RPS6KA3: variants seen among roughly 807,000 people sequenced by gnomAD.
RPS6KA3 encodes ribosomal protein S6 kinase A3.
A neutral mutation model predicts 67.2 loss-of-function variants in RPS6KA3; 4 were observed. The ratio of observed to expected loss-of-function variants is 0.06; its 90% CI spans 0.03 to 0.14. RPS6KA3 has a LOEUF of 0.14. Among genes scored for constraint, RPS6KA3 ranks in the 10% least tolerant of loss-of-function variants. The pLI is 1.00. For synonymous variants in RPS6KA3, 182 were observed against 183.7 expected (o/e 0.99, Z 0.07); for missense variants, 204 against 559.0 (o/e 0.36, Z 6.40).
intron 2 of RPS6KA3, chrX:20,218,802 G>T: frequency 8.6e-7 from 1 of 1,167,940 alleles, no homozygotes; most frequent in Non-Finnish European, 1.2e-6. Flanking sequence ...GAGCTTACCT[G>T]TATAGAGCGA....
chrX:20,263,875 C>T (rs1022474659), intron 1 of RPS6KA3, among the ~76,000 whole-genome samples: 1 of 111,008 alleles, frequency 9.0e-6, no homozygotes, highest in South Asian at 3.7e-4. Flanking sequence ...AGGGATGAGA[C>T]CATAAATGTA....
chrX:20,170,218 A>T (rs1439294097), intron 15 of RPS6KA3, among the ~76,000 whole-genome samples: 2 of 112,364 alleles, frequency 1.8e-5, no homozygotes, highest in Non-Finnish European at 3.8e-5. Context: ...TATATAAAAA[A>T]GACAAATTTT....
At chrX:20,164,110 C>T (rs757160636) in intron 18 of RPS6KA3, among the ~76,000 whole-genome samples, 1 of 111,760 alleles carries the variant, frequency 8.9e-6, no homozygotes, top group East Asian at 2.8e-4. Context: ...ATGATTGCAC[C>T]ACTGTATTCT....
At chrX:20,220,910 A>G (rs761205298) in intron 2 of RPS6KA3, among the ~76,000 whole-genome samples, 5 of 112,054 alleles carry the variant, frequency 4.5e-5, no homozygotes, top group Non-Finnish European at 9.4e-5. Flanking sequence ...TGCAGACACC[A>G]TAAGGGAAAG....
chrX:20,154,993 T>C lies in RPS6KA3; in HGVS notation c.*405A>G, dbSNP rs941510124. On this transcript the variant is annotated 3_prime_UTR_variant, in exon 22 of 22. Coordinates refer to ENST00000379565, the MANE Select transcript of RPS6KA3 (RefSeq NM_004586.3). ...GGGATACAGTGCTAATATAAACGGA[T>C]TGTTTAAGCTAAGTGCTTAACATAA... 1.0e-4 allele frequency: 23 copies of C among 226,325 alleles called. No individual in the cohort carries two copies. The highest frequency in any genetic ancestry group is 1.8e-4 in the Non-Finnish European group (22 of 122,962). 18.7% of individuals were successfully genotyped at this position (226,325 alleles called of 1,213,427 possible). A position where few individuals can be genotyped will look rare whatever the true frequency, so the allele number is the denominator to read the frequency against.
upstream of RPS6KA3, chrX:20,266,953 CG>C: frequency 1.1e-5 from 8 of 732,041 alleles, no homozygotes; most frequent in Non-Finnish European, 1.3e-5. Context: ...CCGCCCCCCC[CG>C]CCGGTTCCCG....
At chrX:20,160,837 G>A (rs1443489313) in intron 20 of RPS6KA3, among the ~76,000 whole-genome samples, 4 of 112,105 alleles carry the variant, frequency 3.6e-5, no homozygotes, top group African/African-American at 1.3e-4. Flanking sequence ...ATACACTTTT[G>A]ATGTGTTCTA....
intron 17 of RPS6KA3, among the ~76,000 whole-genome samples, chrX:20,167,036 G>T (rs899150478): frequency 4.5e-5 from 5 of 110,766 alleles, no homozygotes; most frequent in African/African-American, 6.6e-5. Context: ...TTAAAAATAC[G>T]ATTTTCTCGA....
chrX:20,189,502 T>C (rs1019523720), intron 7 of RPS6KA3, among the ~76,000 whole-genome samples: 8 of 112,041 alleles, frequency 7.1e-5, no homozygotes, highest in African/African-American at 2.6e-4. Flanking sequence ...AACTGGAGAA[T>C]GACACTCAGG....
At chrX:20,218,817 GA>G in intron 2 of RPS6KA3, 1 of 1,194,736 alleles carries the variant, frequency 8.4e-7, no homozygotes, top group African/African-American at 1.7e-5. Flanking sequence ...GAGCGAACAC[GA>G]AAAGACAAAA....
At chrX:20,239,241 T>C (rs2069491202) in intron 1 of RPS6KA3, among the ~76,000 whole-genome samples, 1 of 110,989 alleles carries the variant, frequency 9.0e-6, no homozygotes, top group South Asian at 3.8e-4. Context: ...AGACAGTCTA[T>C]GTTCAGTAAA....
In RPS6KA3 at chrX:20,161,739, G is replaced by A. The variant is rs755416120; in HGVS notation, c.1864C>T (p.Pro622Ser). Residue 622 changes from proline to serine, a missense_variant, in exon 20 of 22, where the codon CCT becomes TCT. Pro to Ser is a moderately conservative substitution (Grantham distance 74). Transcript: ENST00000379565. ...LTGYTPFANG[P>S]DDTPEEILAR... The stretch of plus-strand genomic sequence containing the variant: ...AATATTTCCTCTGGTGTATCATCAG[G>A]ACCATTTGCAAATGGAGTGTAACTA... 1.9e-6 allele frequency: 2 copies of A among 1,078,079 alleles called. No homozygotes were observed. The highest frequency in any genetic ancestry group is 2.5e-6 in the Non-Finnish European group (2 of 807,199). The allele number at this position is 1,078,079 out of a possible 1,213,427, so 88.8% of individuals were successfully genotyped here.
chrX:20,162,215 A>C (rs967666788), intron 19 of RPS6KA3, among the ~76,000 whole-genome samples: 1 of 108,270 alleles, frequency 9.2e-6, no homozygotes, highest in South Asian at 4.0e-4. Flanking sequence ...GCGTGCCTGT[A>C]GTCCCAGCTA....
At chrX:20,191,726 G>A (rs1197200042) in intron 7 of RPS6KA3, among the ~76,000 whole-genome samples, 4 of 111,606 alleles carry the variant, frequency 3.6e-5, no homozygotes, top group Non-Finnish European at 7.5e-5. Context: ...TTAATATGAT[G>A]GTTGTACAAC....
intron 4 of RPS6KA3, among the ~76,000 whole-genome samples, chrX:20,197,412 T>C (rs1437547609): frequency 2.7e-5 from 3 of 112,256 alleles, no homozygotes; most frequent in African/African-American, 9.7e-5. Context: ...TTTACCACAA[T>C]GAAAAGAACA....
rs757383642 is a variant in RPS6KA3, at chrX:20,178,636, CTTTTTTTTTTT to C, written c.846-1563_846-1553del. ...TACAGGTGTGTGCTACCACACCTGG[CTTTTTTTTTTT>C]TTTTTTTTTTTTTTGTAGAGATGGA... On this transcript the variant is annotated intron_variant, in intron 10 of 21. Transcript: ENST00000379565. Among the ~76,000 whole-genome samples, 18 of 39,442 alleles carry C rather than the reference CTTTTTTTTTTT, an allele frequency of 4.6e-4. No individual in the cohort carries two copies. The Admixed American group carries it at 4.6e-3, about 10-fold the overall frequency. The allele number at this position is 39,442 out of a possible 115,157, so 34.3% of individuals were successfully genotyped here.
chrX:20,207,562 T>C (rs1489925024), intron 3 of RPS6KA3, among the ~76,000 whole-genome samples: 2 of 111,580 alleles, frequency 1.8e-5, no homozygotes, highest in African/African-American at 6.5e-5. Flanking sequence ...AGAGTATTAG[T>C]AACAGAGAAG....
At chrX:20,157,095 C>T (rs1469454330) in intron 20 of RPS6KA3, among the ~76,000 whole-genome samples, 5 of 112,062 alleles carry the variant, frequency 4.5e-5, no homozygotes, top group Non-Finnish European at 9.4e-5. Flanking sequence ...ACTGTTAGCA[C>T]TGCATATCTA....
intron 5 of RPS6KA3, among the ~76,000 whole-genome samples, chrX:20,194,481 AAGTC>A (rs1336021576): frequency 8.9e-6 from 1 of 111,790 alleles, no homozygotes; most frequent in Non-Finnish European, 1.9e-5. Flanking sequence ...TTCAACAGGC[AAGTC>A]ACTCAGGAAT....
Sources: gnomAD v4.1 joint callset for allele counts (sites outside exome capture counted in the v4.1 genomes callset) on GRCh38, gnomAD v4.1.1 for gene constraint, MANE v1.5 for transcripts, NCBI Gene and HGNC (gene_info 2026-07-23, HGNC 2026-07-21) for gene names.